MFF: variants seen among roughly 807,000 people sequenced by gnomAD.
MFF encodes chromosome 2 open reading frame 33.
Under a neutral mutation model 36.9 loss-of-function variants are expected in MFF, and 12 were observed. That is an observed-to-expected ratio of 0.33 (90% CI 0.21 to 0.53). MFF has a LOEUF of 0.53. MFF is among the 20% of genes least tolerant of loss of function. The pLI is 0.95. For missense variants in MFF, 348 were observed against 366.6 expected, an observed-to-expected ratio of 0.95 and a Z score of 0.42; for synonymous variants, 99 against 126.2, an observed-to-expected ratio of 0.78 and a Z score of 1.44.
chr2:227,334,304 C>T (rs79302928), intron 4 of MFF, among the ~76,000 whole-genome samples: 3,271 of 152,236 alleles, frequency 0.021, 53 homozygotes, highest in Non-Finnish European at 0.037. Context: ...AAATGAAAGA[C>T]GAGTTTCTGA....
chr2:227,326,375 A>AT (rs2074133095), intron 1 of MFF, among the ~76,000 whole-genome samples: 1 of 151,624 alleles, frequency 6.6e-6, no homozygotes, highest in East Asian at 2.0e-4. Context: ...CCGTTGGCTA[A>AT]TGAGAGCCCA....
intron 4 of MFF, among the ~76,000 whole-genome samples, chr2:227,333,218 CAA>C (rs2074731126): frequency 1.3e-5 from 2 of 152,292 alleles, no homozygotes; most frequent in South Asian, 4.1e-4. Context: ...TAGTATGAGA[CAA>C]TGTGCAAACA....
In MFF at chr2:227,352,582, T is replaced by C; in HGVS notation, c.659+9T>C. The C allele has an allele frequency of 6.2e-7, 1 of 1,609,852 alleles. No individual in the cohort carries two copies. Among genetic ancestry groups the C allele is most frequent in the Non-Finnish European group, 8.5e-7 (1 of 1,176,536 alleles). On this transcript the variant is annotated intron_variant, in intron 7 of 8. Coordinates refer to ENST00000304593, the MANE Select transcript of MFF (RefSeq NM_001277062.2). ...CATCATGACAACGTCAGGTAAATTTTGAGACTTCGTAATTACCAGGGTAAA... is the reference window on the plus strand; with the variant it reads ...CATCATGACAACGTCAGGTAAATTTCGAGACTTCGTAATTACCAGGGTAAA...
In MFF at chr2:227,330,656, T is replaced by G; in HGVS notation, c.-10T>G. 2 of 1,614,018 alleles carry G rather than the reference T, an allele frequency of 1.2e-6. No homozygotes were observed. The highest frequency in any genetic ancestry group is 1.7e-6 in the Non-Finnish European group (2 of 1,179,872). ...GCAGGGCAGCATTTCCTTCTCCCACTGCTGCTGAGATGGCAGAAATTAGTC... is the reference window on the plus strand; with the variant it reads ...GCAGGGCAGCATTTCCTTCTCCCACGGCTGCTGAGATGGCAGAAATTAGTC... On this transcript the variant is annotated 5_prime_UTR_variant, in exon 3 of 9. Coordinates refer to ENST00000304593, the MANE Select transcript of MFF (RefSeq NM_001277062.2).
chr2:227,340,322 C>A lies in MFF; in HGVS notation c.382C>A (p.Arg128=). ...IRAVGRLKRE[R]SMSENAVRQN... The stretch of plus-strand genomic sequence containing the variant: ...AGCAGTTGGCAGACTAAAAAGAGAG[C>A]GGTCTATGAGTGAAAATGCTGTTCG... The change falls in exon 5 of 9, where the codon CGG becomes AGG. Residue 128 remains arginine, a synonymous_variant. Transcript: ENST00000304593. The A allele has an allele frequency of 6.2e-7, 1 of 1,613,840 alleles. No individual in the cohort carries two copies. The highest frequency in any genetic ancestry group is 8.5e-7 in the Non-Finnish European group (1 of 1,179,840).
intron 5 of MFF, among the ~76,000 whole-genome samples, chr2:227,344,993 T>C (rs1460827765): frequency 1.3e-5 from 2 of 152,202 alleles, no homozygotes; most frequent in Non-Finnish European, 2.9e-5. Flanking sequence ...TTTTTCTCAT[T>C]GTATTCCAAT....
At chr2:227,331,328 A>T (rs2074555469) in intron 3 of MFF, among the ~76,000 whole-genome samples, 1 of 152,118 alleles carries the variant, frequency 6.6e-6, no homozygotes, top group South Asian at 2.1e-4. Context: ...TGTTTTTGAG[A>T]TTCTTCTGTT....
At position 227,350,994 on chromosome 2, in the gene MFF, C is replaced by T. The variant is rs1028436168; in HGVS notation, c.600-1520C>T. ...GTAACTGTATTATTTTCTGGCTCTG[C>T]GTTATAAAAGGGAAATCTCTGTGGT... On this transcript the variant is annotated intron_variant, in intron 6 of 8. Coordinates refer to ENST00000304593, the MANE Select transcript of MFF (RefSeq NM_001277062.2). 8.5e-5 allele frequency among the ~76,000 whole-genome samples: 13 copies of T among 152,076 alleles called. 1 individual carries two copies. The highest frequency in any genetic ancestry group is 1.9e-4 in the Non-Finnish European group (13 of 67,996).
In MFF at chr2:227,357,124, C is replaced by CA. The variant is rs2076299913; in HGVS notation, c.*8dup. 1 of 1,608,776 alleles carries CA rather than the reference C, an allele frequency of 6.2e-7. No individual in the cohort carries two copies. The highest frequency in any genetic ancestry group is 8.5e-7 in the Non-Finnish European group (1 of 1,179,038). On this transcript the variant is annotated 3_prime_UTR_variant, in exon 9 of 9. Transcript: ENST00000304593. Reference sequence around the variant, plus strand: ...GCTCTGGTTTCGCCGCTAGAGGTAACATCAGCCCTCAAAAATACTGTCTCA... The same window carrying CA: ...GCTCTGGTTTCGCCGCTAGAGGTAACAATCAGCCCTCAAAAATACTGTCTCA...
intron 4 of MFF, among the ~76,000 whole-genome samples, chr2:227,334,248 T>C (rs1229905144): frequency 2.0e-5 from 3 of 152,208 alleles, no homozygotes; most frequent in African/African-American, 7.2e-5. Flanking sequence ...ATATAAATGT[T>C]ATTGTTAGGA....
chr2:227,337,140 G>GA (rs2075065392), intron 4 of MFF, among the ~76,000 whole-genome samples: 1 of 152,208 alleles, frequency 6.6e-6, no homozygotes, highest in Admixed American at 6.5e-5. Flanking sequence ...TTCATGCATG[G>GA]AAAATTCAGA....
At chr2:227,353,166 C>T (rs934356323) in intron 7 of MFF, among the ~76,000 whole-genome samples, 1 of 152,132 alleles carries the variant, frequency 6.6e-6, no homozygotes, top group Non-Finnish European at 1.5e-5. Context: ...GTAGGTTGAG[C>T]GTTCCTTTCT....
Position 227,340,295 on chromosome 2 carries a change from C to G in MFF, c.355C>G (p.Arg119Gly). ...PPTTPQNEEI[R>G]AVGRLKRERS... ...CCCTCTCTTTGTGCCTTAACAGATC[C>G]GAGCAGTTGGCAGACTAAAAAGAGA... The change falls in exon 5 of 9, where the codon CGA becomes GGA. Residue 119 changes from arginine (R) to glycine (G), a missense_variant. Transcript: ENST00000304593. 2 of 1,613,280 alleles carry G rather than the reference C, an allele frequency of 1.2e-6. No homozygotes were observed. The highest frequency in any genetic ancestry group is 1.1e-5 in the South Asian group (1 of 91,048).
At chr2:227,327,760 G>A (rs2074265613) in intron 1 of MFF, among the ~76,000 whole-genome samples, 2 of 152,302 alleles carry the variant, frequency 1.3e-5, no homozygotes, top group Admixed American at 1.3e-4. Context: ...AGATACTGAG[G>A]TTCTAGCCAC....
chr2:227,327,551 T>G (rs554348504), intron 1 of MFF, among the ~76,000 whole-genome samples: 84 of 152,328 alleles, frequency 5.5e-4, no homozygotes, highest in African/African-American at 1.9e-3. Context: ...ACAGGAGAAC[T>G]TGGCTTTTTC....
At chr2:227,352,330 A>C in intron 6 of MFF, 184 bp from the exon 7 acceptor site, 1 of 532,512 alleles carries the variant, frequency 1.9e-6, no homozygotes, top group South Asian at 2.8e-5. Flanking sequence ...TGAGTTTATG[A>C]AAATGATAAA....
At chr2:227,340,407 T>C (rs1351659476) in intron 5 of MFF, 27 bp downstream of exon 5, 1 of 1,431,896 alleles carries the variant, frequency 7.0e-7, no homozygotes, top group East Asian at 2.3e-5. Context: ...GCATTTTATC[T>C]CGTTTGTAAG....
chr2:227,330,378 C>G, intron 2 of MFF: 4 of 459,976 alleles, frequency 8.7e-6, no homozygotes, highest in Admixed American at 3.9e-5. Context: ...TGTTGTAATT[C>G]TATAATAATT....
chr2:227,349,551 C>T (rs557976592), intron 6 of MFF, among the ~76,000 whole-genome samples: 32 of 151,896 alleles, frequency 2.1e-4, no homozygotes, highest in Non-Finnish European at 3.8e-4. Context: ...TTAGTTGTTA[C>T]CTTGGAGCTT....
Sources: gnomAD v4.1 joint callset for allele counts (sites outside exome capture counted in the v4.1 genomes callset) on GRCh38, gnomAD v4.1.1 for gene constraint, MANE v1.5 for transcripts, NCBI Gene and HGNC (gene_info 2026-07-23, HGNC 2026-07-21) for gene names.